Variants in TMEM156 observed in about 807,000 individuals in gnomAD.
The protein encoded by TMEM156 is transmembrane protein 156.
TMEM156 carries 28 observed loss-of-function variants against 30.5 expected under a neutral mutation model. That is an observed-to-expected ratio of 0.92 (90% CI 0.68 to 1.26). The LOEUF (loss-of-function observed/expected upper bound fraction) is 1.26. Ranked by LOEUF, TMEM156 falls within the 50% of genes most tolerant of loss-of-function variation. TMEM156 has a pLI of 0.00. For synonymous variants in TMEM156, 137 were observed against 119.9 expected, an observed-to-expected ratio of 1.14 and a Z score of -0.93; for missense variants, 351 against 340.6, an observed-to-expected ratio of 1.03 and a Z score of -0.24.
intron 5 of TMEM156, among the ~76,000 whole-genome samples, chr4:38,975,801 A>T (rs1722824885): frequency 6.6e-6 from 1 of 152,160 alleles, no homozygotes; most frequent in African/African-American, 2.4e-5. Context: ...AAGACCATGA[A>T]CCAGATGGGA....
chr4:38,980,961 C>T (rs572710470), intron 5 of TMEM156: 14 of 985,170 alleles, frequency 1.4e-5, no homozygotes, highest in East Asian at 1.1e-4. Context: ...CGTCCTATTC[C>T]GCCTATAGAT....
At chr4:39,002,515 C>A (rs1381725772) in intron 1 of TMEM156, among the ~76,000 whole-genome samples, 1 of 135,348 alleles carries the variant, frequency 7.4e-6, no homozygotes, top group African/African-American at 2.6e-5. Flanking sequence ...ACCATTTGAC[C>A]CAGCCATCCC....
intron 1 of TMEM156, among the ~76,000 whole-genome samples, chr4:39,004,023 A>G (rs1284580056): frequency 3.3e-5 from 5 of 152,334 alleles, no homozygotes; most frequent in Non-Finnish European, 1.5e-5. Context: ...GAAAAGAAAT[A>G]AATAGAAGAC....
intron 3 of TMEM156, among the ~76,000 whole-genome samples, chr4:38,991,206 C>CTTTTTT (rs34417437): frequency 4.9e-5 from 7 of 142,822 alleles, no homozygotes; most frequent in East Asian, 2.1e-4. Flanking sequence ...TTTTAACTGT[C>CTTTTTT]TTTTTCTTTT....
chr4:39,004,666 A>C (rs1162013858), intron 1 of TMEM156, among the ~76,000 whole-genome samples: 3 of 152,184 alleles, frequency 2.0e-5, no homozygotes, highest in African/African-American at 7.2e-5. Flanking sequence ...TGGTATTTTT[A>C]TGAATGAATA....
intron 1 of TMEM156, among the ~76,000 whole-genome samples, chr4:39,010,916 A>T (rs1206341387): frequency 6.6e-6 from 1 of 152,188 alleles, no homozygotes; most frequent in African/African-American, 2.4e-5. Flanking sequence ...GACAATTGGA[A>T]CATTATTAAA....
chr4:39,014,389 A>G (rs1714341015), intron 1 of TMEM156, among the ~76,000 whole-genome samples: 1 of 152,198 alleles, frequency 6.6e-6, no homozygotes. Context: ...TAATGAACCA[A>G]TGAAATCATC....
intron 1 of TMEM156, among the ~76,000 whole-genome samples, chr4:39,014,811 T>G (rs1577573676): frequency 6.6e-6 from 1 of 152,040 alleles, no homozygotes; most frequent in African/African-American, 2.4e-5. Flanking sequence ...AATTTTCATC[T>G]TTTTTTAAAA....
chr4:39,031,887 A>T (rs1376672004), intron 1 of TMEM156, among the ~76,000 whole-genome samples: 1 of 91,530 alleles, frequency 1.1e-5, no homozygotes. Context: ...TCAAAAAAAA[A>T]AAATAAAAAA....
intron 5 of TMEM156, among the ~76,000 whole-genome samples, chr4:38,979,111 AG>A (rs755619219): frequency 3.9e-5 from 6 of 152,236 alleles, no homozygotes; most frequent in Admixed American, 6.5e-5. Flanking sequence ...ACTGGCCTTG[AG>A]GTTTTATAAA....
chr4:38,992,760 A>AT lies in TMEM156; in HGVS notation c.619+977dup, dbSNP rs1267974539. Reference sequence around the variant, plus strand: ...AATATATAATATATTATATATATATATATTTTTTTTTGTCTTTTCAAGACA... The same window carrying AT: ...AATATATAATATATTATATATATATATTATTTTTTTTTGTCTTTTCAAGACA... On this transcript the variant is annotated intron_variant, in intron 3 of 6. Coordinates refer to ENST00000381938, the MANE Select transcript of TMEM156 (RefSeq NM_024943.3). 6.3e-3 allele frequency among the ~76,000 whole-genome samples: 416 copies of AT among 66,488 alleles called. 7 individuals carry two copies. The highest frequency in any genetic ancestry group is 8.9e-3 in the African/African-American group (161 of 18,184). The allele number at this position is 66,488 out of a possible 152,430, so 43.6% of individuals were successfully genotyped here.
chr4:38,996,406 C>CAA (rs57823248), intron 2 of TMEM156, among the ~76,000 whole-genome samples: 3,448 of 117,040 alleles, frequency 0.029, 144 homozygotes, highest in African/African-American at 0.097. Flanking sequence ...ACTAAAAATA[C>CAA]AAAAAAAAAA....
In TMEM156 at chr4:38,974,223, T is replaced by C. The variant is rs1473519449; in HGVS notation, c.824-3086A>G. On this transcript the variant is annotated intron_variant, in intron 5 of 6. Coordinates refer to ENST00000381938, the MANE Select transcript of TMEM156 (RefSeq NM_024943.3). ...TCTTTCTCTCTTTTTTTTTTTTTTT[T>C]AGACAAGCTCTTGCACTGTCACCCA... Among the ~76,000 whole-genome samples, 4 of 149,116 alleles carry C rather than the reference T, an allele frequency of 2.7e-5. No homozygotes were observed. The South Asian group carries it at 6.3e-4, about 24-fold the overall frequency.
At chr4:38,982,194 T>C (rs531883779) in intron 5 of TMEM156, among the ~76,000 whole-genome samples, 1 of 152,204 alleles carries the variant, frequency 6.6e-6, no homozygotes, top group African/African-American at 2.4e-5. Flanking sequence ...CCATGCTGGA[T>C]GCTTCCTGCC....
At chr4:39,021,810 C>T (rs1181254692) in intron 1 of TMEM156, among the ~76,000 whole-genome samples, 3 of 152,096 alleles carry the variant, frequency 2.0e-5, no homozygotes, top group Non-Finnish European at 4.4e-5. Context: ...GGTTTTTGTA[C>T]ATGGTGTGAA....
chr4:39,009,054 A>C (rs1713934444), intron 1 of TMEM156, among the ~76,000 whole-genome samples: 1 of 152,160 alleles, frequency 6.6e-6, no homozygotes, highest in South Asian at 2.1e-4. Flanking sequence ...AACCATGATC[A>C]GAAATGACAA....
At chr4:38,982,936 G>A (rs1711693494) in intron 5 of TMEM156, among the ~76,000 whole-genome samples, 1 of 152,198 alleles carries the variant, frequency 6.6e-6, no homozygotes, top group Non-Finnish European at 1.5e-5. Context: ...CAAGTATGCA[G>A]AAAGCCAGAA....
chr4:38,971,885 G>C (rs1360105841), intron 5 of TMEM156, among the ~76,000 whole-genome samples: 2 of 152,028 alleles, frequency 1.3e-5, no homozygotes, highest in Non-Finnish European at 2.9e-5. Flanking sequence ...TGCCTCCCGG[G>C]TTCAAGTGAT....
chr4:38,971,259 C>T (rs554199590), intron 5 of TMEM156, 122 bp from the exon 6 acceptor site: 3 of 830,072 alleles, frequency 3.6e-6, no homozygotes, highest in East Asian at 2.7e-5. Flanking sequence ...GATTTTGGGA[C>T]TTTCTACCCT....
Sources: gnomAD v4.1 joint callset for allele counts (sites outside exome capture counted in the v4.1 genomes callset) on GRCh38, gnomAD v4.1.1 for gene constraint, MANE v1.5 for transcripts, NCBI Gene and HGNC (gene_info 2026-07-23, HGNC 2026-07-21) for gene names.